Variants in MICAL1 observed in about 807,000 individuals in gnomAD.
MICAL1 encodes microtubule associated monooxygenase, calponin and LIM domain containing 1.
In MICAL1, 95 loss-of-function variants were observed where a neutral mutation model predicts 131.8. The ratio of observed to expected loss-of-function variants is 0.72; its 90% CI spans 0.61 to 0.86. The LOEUF is 0.86. Among genes scored for constraint, MICAL1 ranks in the 40% least tolerant of loss-of-function variants. The pLI is 0.00. For synonymous variants in MICAL1, 546 were observed against 554.2 expected (o/e 0.99, Z 0.21); for missense variants, 1,292 against 1,380.6 (o/e 0.94, Z 1.02).
chr6:109,451,562 TC>T, intron 7 of MICAL1, 37 bp downstream of exon 7: 1 of 1,611,316 alleles, frequency 6.2e-7, no homozygotes, highest in Non-Finnish European at 8.5e-7. Context: ...CTCCCGGGGC[TC>T]ACCACCCAGC....
In MICAL1 at chr6:109,448,097, G is replaced by GACACACACAC. The variant is rs377004839; in HGVS notation, c.1855+96_1855+105dup. On this transcript the variant is annotated intron_variant, in intron 13 of 24. Coordinates refer to ENST00000358807, the MANE Select transcript of MICAL1 (RefSeq NM_022765.4). ...CAGAGGGCGCCTTCTTCCTCTTTCT[G>GACACACACAC]ACACACACACACACACACACCGCCT... 8.7e-4 allele frequency: 978 copies of GACACACACAC among 1,130,026 alleles called. 16 individuals carry two copies. The highest frequency in any genetic ancestry group is 7.5e-3 in the African/African-American group (385 of 51,500). 70.0% of individuals were successfully genotyped at this position (1,130,026 alleles called of 1,614,324 possible).
chr6:109,465,650 A>C, intron 1 of MICAL1: 1 of 1,559,874 alleles, frequency 6.4e-7, no homozygotes, highest in Non-Finnish European at 8.6e-7. Flanking sequence ...GAAATGCTCA[A>C]TACAAATCAG....
At chr6:109,444,658 T>A (rs1362542026) in intron 24 of MICAL1, 67 bp downstream of exon 24, 2 of 1,560,182 alleles carry the variant, frequency 1.3e-6, no homozygotes, top group Non-Finnish European at 1.8e-6. Flanking sequence ...TTGGTCAGTA[T>A]CTGAGATCAT....
chr6:109,449,194 G>A (rs886266806), intron 11 of MICAL1: 9 of 709,010 alleles, frequency 1.3e-5, no homozygotes, highest in East Asian at 2.7e-5. Context: ...ACACTAACGC[G>A]CTTACATTCA....
intron 7 of MICAL1, 32 bp from the exon 8 acceptor site, chr6:109,450,589 C>A (rs1383201947): frequency 1.3e-6 from 2 of 1,577,438 alleles, no homozygotes; most frequent in Admixed American, 1.7e-5. Flanking sequence ...ACCTCAGAGA[C>A]CTCTGAGAGC....
At chr6:109,459,364 G>A (rs531805050), upstream of MICAL1, among the ~76,000 whole-genome samples, 1 of 152,194 alleles carries the variant, frequency 6.6e-6, no homozygotes, top group African/African-American at 2.4e-5. Flanking sequence ...TCTTTGTCAG[G>A]AGTACAGGCA....
upstream of MICAL1, chr6:109,455,876 G>A: frequency 2.0e-6 from 2 of 985,562 alleles, no homozygotes; most frequent in Non-Finnish European, 2.4e-6. The surrounding 1 kb of genome is among the most constrained non-coding windows in gnomAD (Gnocchi z 4.7). Flanking sequence ...GAGTCGCGCG[G>A]AGTGTGGGCT....
rs748567166 is a variant in MICAL1, at chr6:109,452,280, G to T, written c.798C>A (p.Asn266Lys). 6.2e-7 allele frequency: 1 copy of T among 1,614,096 alleles called. No individual in the cohort carries two copies. Among genetic ancestry groups the T allele is most frequent in the Non-Finnish European group, 8.5e-7 (1 of 1,179,968 alleles). ...PEISGVARIY[N>K]QSFFQSLLKA... is the part of the protein sequence containing the mutation. The stretch of plus-strand genomic sequence containing the variant: ...TGAGAAGGCTCTGGAAGAAGCTCTG[G>T]TTGTAGATCCTGGCTACACCACTGA... The change falls in exon 6 of 25, where the codon AAC (asparagine) becomes AAA (lysine). Residue 266 changes from asparagine to lysine, a missense_variant. Transcript: ENST00000358807.
chr6:109,452,028 C>A (rs79116930), intron 6 of MICAL1: 19 of 1,406,972 alleles, frequency 1.4e-5, no homozygotes, highest in Non-Finnish European at 1.1e-5. Context: ...TACACAGGTT[C>A]ATCTCTGAGA....
In MICAL1 at chr6:109,444,613, GTC is replaced by G. The variant is rs1232448598; in HGVS notation, c.3055+110_3055+111del. 5.3e-6 allele frequency: 7 copies of G among 1,325,174 alleles called. No homozygotes were observed. In the East Asian group the frequency reaches 1.6e-4, roughly 31 times the overall value. 82.1% of individuals were successfully genotyped at this position (1,325,174 alleles called of 1,614,324 possible). A position where few individuals can be genotyped will look rare whatever the true frequency, so the allele number is the denominator to read the frequency against. On this transcript the variant is annotated intron_variant, in intron 24 of 24. Transcript: ENST00000358807. ...CCCTCCTCTGGCTTCCTCCTGAATT[GTC>G]TCAGAGGTACACAGACTAGAGCATC...
intron 13 of MICAL1, 77 bp from the exon 14 acceptor site, chr6:109,448,040 A>T: frequency 6.8e-7 from 1 of 1,468,460 alleles, no homozygotes; most frequent in Non-Finnish European, 9.2e-7. Context: ...TCACTCTCCA[A>T]CCCAGAAGGA....
At chr6:109,462,004 C>T (rs1775899219) in intron 1 of MICAL1, among the ~76,000 whole-genome samples, 2 of 150,410 alleles carry the variant, frequency 1.3e-5, no homozygotes, top group African/African-American at 5.0e-5. Flanking sequence ...AGGTGTGTCC[C>T]AGACACTGCT....
chr6:109,448,857 C>T lies in MICAL1; in HGVS notation c.1539G>A (p.Glu513=), dbSNP rs146810722. 1,290 of 1,613,862 alleles carry T rather than the reference C, an allele frequency of 8.0e-4. No homozygotes were observed. The highest frequency in any genetic ancestry group is 1.7e-3 in the Admixed American group (101 of 60,024). Residue 513 remains glutamate (E), a synonymous_variant, in exon 12 of 25, where the codon GAG becomes GAA. Transcript: ENST00000358807. ...TCTGCTCCTGGCACCAGCGTAGCAG[C>T]TCCTCCTGGGTGCCTGCCGACCCTG... is the stretch of plus-strand genomic sequence containing the variant. ...PATGSAGTQE[E]LLRWCQEQTA... is the part of the protein sequence containing the mutation.
chr6:109,446,794 G>A (rs748871997), intron 17 of MICAL1, 22 bp from the exon 18 acceptor site: 3 of 1,607,574 alleles, frequency 1.9e-6, no homozygotes, highest in Non-Finnish European at 2.6e-6. Flanking sequence ...AGAGAGGGGA[G>A]GAGGCATTTG....
At chr6:109,448,445 T>G (rs771293557) in intron 12 of MICAL1, 52 bp from the exon 13 acceptor site, 10 of 1,593,862 alleles carry the variant, frequency 6.3e-6, no homozygotes, top group Non-Finnish European at 8.5e-6. Flanking sequence ...CTAGCCCCAC[T>G]GAGGGGAGGA....
At chr6:109,447,632 G>A (rs749802575) in intron 15 of MICAL1, 49 bp downstream of exon 15, 6 of 1,612,226 alleles carry the variant, frequency 3.7e-6, no homozygotes, top group Admixed American at 3.3e-5. Flanking sequence ...TACCAGGAAA[G>A]GGGATAAAAT....
chr6:109,455,846 C>T (rs138850563), upstream of MICAL1: 36,837 of 985,440 alleles, frequency 0.037, 1,055 homozygotes, highest in East Asian at 0.2. This position sits in a 1 kb window ranked among gnomAD's most constrained non-coding sequence, Gnocchi z 4.7. Flanking sequence ...GGATGCGGGG[C>T]GGCCCGGGGC....
At position 109,445,547 on chromosome 6, in the gene MICAL1, C is replaced by T. The variant is rs1775173786; in HGVS notation, c.2674-18G>A. ...TGCAGGGCCTATAGGAGGGTCAGGC[C>T]AGTCAGGGATAGGGCCTGGGCCCCC... On this transcript the variant is annotated intron_variant, in intron 20 of 24. Transcript: ENST00000358807. 1 of 1,613,242 alleles carries T rather than the reference C, an allele frequency of 6.2e-7. No individual in the cohort carries two copies. The highest frequency in any genetic ancestry group is 8.5e-7 in the Non-Finnish European group (1 of 1,179,474).
intron 13 of MICAL1, 87 bp downstream of exon 13, chr6:109,448,116 A>ACACACACACACACACACACACC (rs1420657642): frequency 1.5e-6 from 2 of 1,334,122 alleles, no homozygotes; most frequent in African/African-American, 2.5e-5. Context: ...ACACACACAC[A>ACACACACACACACACACACACC]CCGCCTTCTC....
Sources: gnomAD v4.1 joint callset for allele counts (sites outside exome capture counted in the v4.1 genomes callset) on GRCh38, gnomAD v4.1.1 for gene constraint, Gnocchi (gnomAD v3.1) non-coding constraint, MANE v1.5 for transcripts, NCBI Gene and HGNC (gene_info 2026-07-23, HGNC 2026-07-21) for gene names.